Variants in AGAP3 observed in about 807,000 individuals in gnomAD.
AGAP3 encodes the protein ArfGAP with GTPase domain, ankyrin repeat and PH domain 3, also known as arf-GAP with GTPase, ANK repeat and PH domain-containing protein 3.
In AGAP3, 24 loss-of-function variants were observed where a neutral mutation model predicts 96.9. The observed-to-expected ratio is 0.25, with a 90% confidence interval of 0.18 to 0.35. The LOEUF (loss-of-function observed/expected upper bound fraction) is 0.35. Ranked by LOEUF, AGAP3 falls within the 10% of genes least tolerant of loss-of-function variation. The pLI is 1.00. For synonymous variants in AGAP3, 563 were observed against 536.1 expected (o/e 1.05, Z -0.69); for missense variants, 876 against 1,254.2 (o/e 0.70, Z 4.55).
chr7:151,118,607 CCATCCCGGCCGTGCA>C lies in AGAP3; in HGVS notation c.949_963del (p.Pro317_Ile321del). 6.2e-7 allele frequency: 1 copy of C among 1,613,756 alleles called. No individual in the cohort carries two copies. Among genetic ancestry groups the C allele is most frequent in the Non-Finnish European group, 8.5e-7 (1 of 1,180,002 alleles). ...AGCCACTCGGCCGTGTCCGCCGCCT[CCATCCCGGCCGTGCA>C]CATCAACCAGGTTCGGCCTGTGCCC... On this transcript the variant is annotated inframe_deletion, in exon 7 of 18. Transcript: ENST00000397238. The surrounding 1 kb of genome is among the most constrained non-coding windows in gnomAD (Gnocchi z 6.1).
chr7:151,142,554 T>G lies in AGAP3; in HGVS notation c.2193T>G (p.Thr731=), dbSNP rs1800859832. 3.7e-6 allele frequency: 6 copies of G among 1,613,768 alleles called. No individual in the cohort carries two copies. Among genetic ancestry groups the G allele is most frequent in the Non-Finnish European group, 5.1e-6 (6 of 1,180,020 alleles). Residue 731 remains threonine (T), a synonymous_variant, in exon 16 of 18, where the codon ACT becomes ACG. Transcript: ENST00000397238. The surrounding 1 kb of genome is among the most constrained non-coding windows in gnomAD (Gnocchi z 7.5). ...CGCCTGAGCTGCTGGCTGTCATGAC[T>G]GCCATGGGCAATGCCCTCGCCAACA... is the stretch of plus-strand genomic sequence containing the variant. ...DWPPELLAVM[T]AMGNALANSV...
At chr7:151,120,609 C>T in intron 8 of AGAP3, 13 of 1,293,732 alleles carry the variant, frequency 1.0e-5, no homozygotes, top group Non-Finnish European at 1.3e-5. Context: ...GCCTCCCCGT[C>T]GCCTTCCGGC....
chr7:151,115,083 A>C lies in AGAP3; in HGVS notation c.332-1710A>C, dbSNP rs1159351070. The C allele has an allele frequency of 8.8e-6, 9 of 1,021,080 alleles. No individual in the cohort carries two copies. The African/African-American group carries it at 1.2e-4, about 14-fold the overall frequency. 63.3% of individuals were successfully genotyped at this position (1,021,080 alleles called of 1,614,324 possible). The stretch of plus-strand genomic sequence containing the variant: ...CTCGCCTGCGCCCAGCCCCGCGTCC[A>C]GCCCCGCGCCGACCCGGCGCAGCCG... On this transcript the variant is annotated intron_variant, in intron 1 of 17. Transcript: ENST00000397238.
intron 1 of AGAP3, among the ~76,000 whole-genome samples, chr7:151,094,268 A>G (rs1798511123): frequency 6.6e-6 from 1 of 152,142 alleles, no homozygotes; most frequent in South Asian, 2.1e-4. Context: ...AATGCTGTTT[A>G]TTACGTGCCG....
chr7:151,094,278 G>A (rs1585036182), intron 1 of AGAP3, among the ~76,000 whole-genome samples: 3 of 152,068 alleles, frequency 2.0e-5, no homozygotes, highest in South Asian at 4.1e-4. Flanking sequence ...ATTACGTGCC[G>A]CCTTGTACGC....
At chr7:151,102,358 A>G (rs1468688835) in intron 1 of AGAP3, among the ~76,000 whole-genome samples, 2 of 152,020 alleles carry the variant, frequency 1.3e-5, no homozygotes, top group Non-Finnish European at 2.9e-5. Flanking sequence ...GCCACCCCAC[A>G]CTCCAGCACT....
chr7:151,091,194 A>G (rs1351116977), intron 1 of AGAP3, among the ~76,000 whole-genome samples: 2 of 152,124 alleles, frequency 1.3e-5, no homozygotes, highest in African/African-American at 2.4e-5. Flanking sequence ...TGCACCACAC[A>G]CTGCTGAGGT....
chr7:151,117,562 C>A, intron 4 of AGAP3, 74 bp from the exon 5 acceptor site: 1 of 1,611,798 alleles, frequency 6.2e-7, no homozygotes, highest in East Asian at 2.2e-5. Flanking sequence ...GAAGGGTCTA[C>A]TTGAGTTCAC....
In AGAP3 at chr7:151,118,101, T is replaced by C; in HGVS notation, c.707-109T>C. On this transcript the variant is annotated intron_variant, in intron 5 of 17. Coordinates refer to ENST00000397238, the MANE Select transcript of AGAP3 (RefSeq NM_031946.7). The surrounding 1 kb of genome is among the most constrained non-coding windows in gnomAD (Gnocchi z 6.1). ...ACCCGCGTTCTTGGTGCTCTGTGTG[T>C]TCCACTCACCAGGCCCTTTGCACAC... 7.0e-7 allele frequency: 1 copy of C among 1,423,652 alleles called. No individual in the cohort carries two copies. Among genetic ancestry groups the C allele is most frequent in the Non-Finnish European group, 9.5e-7 (1 of 1,048,630 alleles). 88.2% of individuals were successfully genotyped at this position (1,423,652 alleles called of 1,614,324 possible). A position where few individuals can be genotyped will look rare whatever the true frequency, so the allele number is the denominator to read the frequency against.
chr7:151,111,602 G>A (rs1365292817), intron 1 of AGAP3, among the ~76,000 whole-genome samples: 1 of 150,032 alleles, frequency 6.7e-6, no homozygotes, highest in Non-Finnish European at 1.5e-5. Context: ...CTGTGCACAC[G>A]CAAGCAGGGC....
In AGAP3 at chr7:151,143,798, G is replaced by A. The variant is rs375790845; in HGVS notation, c.2591G>A (p.Arg864Gln). The change falls in exon 18 of 18, where the codon CGG (arginine) becomes CAG (glutamine). Residue 864 changes from arginine (R) to glutamine (Q), a missense_variant. Transcript: ENST00000397238. This position sits in a 1 kb window ranked among gnomAD's most constrained non-coding sequence, Gnocchi z 5.9. ...CTGACTCCACTGGCATATGCTCGCC[G>A]GGCCGGCAGCCAGGAGTGTGCAGAC... is the stretch of plus-strand genomic sequence containing the variant. ...RGLTPLAYAR[R>Q]AGSQECADIL... 23 of 1,613,994 alleles carry A rather than the reference G, an allele frequency of 1.4e-5. No homozygotes were observed. The highest frequency in any genetic ancestry group is 5.0e-5 in the Admixed American group (3 of 60,012).
chr7:151,135,613 T>C (rs1377104330), intron 11 of AGAP3, among the ~76,000 whole-genome samples: 1 of 152,048 alleles, frequency 6.6e-6, no homozygotes, highest in African/African-American at 2.4e-5. Context: ...GTGGTCCTTG[T>C]TGGAGGCAAG....
chr7:151,116,887 A>AGCTGGGGGGGCGAGGCTGGGT (rs1420607835), intron 2 of AGAP3, 36 bp downstream of exon 2: 14 of 1,604,172 alleles, frequency 8.7e-6, no homozygotes, highest in Non-Finnish European at 1.0e-5. Context: ...GGCGGCCTGG[A>AGCTGGGGGGGCGAGGCTGGGT]GCTGGGGGGG....
chr7:151,143,708 C>G lies in AGAP3; in HGVS notation c.2530-29C>G. ...CAATCTCTCTCCTCCCATGTCTTGC[C>G]AACTGTCAACATGTGTTTTCTCCTA... is the stretch of plus-strand genomic sequence containing the variant. On this transcript the variant is annotated intron_variant, in intron 17 of 17. Coordinates refer to ENST00000397238, the MANE Select transcript of AGAP3 (RefSeq NM_031946.7). This position sits in a 1 kb window ranked among gnomAD's most constrained non-coding sequence, Gnocchi z 5.9. 1 of 1,613,424 alleles carries G rather than the reference C, an allele frequency of 6.2e-7. No homozygotes were observed.
chr7:151,137,346 CG>C, intron 11 of AGAP3, among the ~76,000 whole-genome samples: 1 of 152,346 alleles, frequency 6.6e-6, no homozygotes, highest in African/African-American at 2.4e-5. Flanking sequence ...GTTCGGCCCC[CG>C]TGTTCTTAGA....
At chr7:151,102,689 C>T (rs1488248341) in intron 1 of AGAP3, among the ~76,000 whole-genome samples, 1 of 151,852 alleles carries the variant, frequency 6.6e-6, no homozygotes, top group Admixed American at 6.6e-5. Context: ...GATCTCAGCT[C>T]ACTGCAACCT....
chr7:151,087,124 C>T, intron 1 of AGAP3, 52 bp downstream of exon 1: 5 of 1,537,846 alleles, frequency 3.3e-6, no homozygotes, highest in Non-Finnish European at 4.4e-6. Flanking sequence ...CTCTCCGGCG[C>T]CGGCCGAGGG....
intron 8 of AGAP3, chr7:151,121,012 C>G (rs1163800362): frequency 4.1e-6 from 1 of 243,986 alleles, no homozygotes; most frequent in Non-Finnish European, 7.0e-6. Flanking sequence ...CCCGCCCCTC[C>G]GCGTCACTCC....
At chr7:151,125,037 G>A (rs556000341) in intron 9 of AGAP3, among the ~76,000 whole-genome samples, 104 of 152,324 alleles carry the variant, frequency 6.8e-4, no homozygotes, top group South Asian at 5.2e-3. Flanking sequence ...CGCGGAGTGC[G>A]TGTGTATGTG....
Sources: allele counts gnomAD v4.1 joint callset (sites outside exome capture counted in the v4.1 genomes callset), GRCh38; gene constraint gnomAD v4.1.1; non-coding constraint Gnocchi (gnomAD v3.1); transcripts MANE v1.5; gene names NCBI Gene and HGNC (gene_info 2026-07-23, HGNC 2026-07-21).